The following GATA4 variants were observed in gnomAD, a reference collection of about 807,000 sequenced individuals.
GATA4 encodes GATA binding protein 4, also known as transcription factor GATA-4.
GATA4 carries 7 observed loss-of-function variants against 37.9 expected under a neutral mutation model. The observed-to-expected ratio is 0.18, with a 90% CI of 0.11 to 0.35. The LOEUF is 0.35. Ranked by LOEUF, GATA4 falls within the 10% of genes least tolerant of loss-of-function variation. The pLI, the probability that GATA4 is intolerant of heterozygous loss-of-function variation, is 1.00. For synonymous variants in GATA4, 372 were observed against 292.6 expected, an observed-to-expected ratio of 1.27 and a Z score of -2.77; for missense variants, 647 against 653.0, an observed-to-expected ratio of 0.99 and a Z score of 0.10.
chr8:11,720,592 C>T (rs1800628009), intron 2 of GATA4, among the ~76,000 whole-genome samples: 1 of 152,192 alleles, frequency 6.6e-6, no homozygotes, highest in African/African-American at 2.4e-5. Context: ...CTACTCGTCT[C>T]CCTCCTCCCA....
At chr8:11,727,392 A>AG (rs1168684262) in intron 2 of GATA4, among the ~76,000 whole-genome samples, 2 of 152,170 alleles carry the variant, frequency 1.3e-5, no homozygotes, top group East Asian at 3.8e-4. Context: ...TTCCTGGTGA[A>AG]GGGGGAGCCC....
At chr8:11,706,116 A>G (rs1799878821) in intron 1 of GATA4, 1 of 152,198 alleles carries the variant, frequency 6.6e-6, no homozygotes, top group Admixed American at 6.5e-5. Context: ...CTATTCTCTA[A>G]CCAAACTTGC....
rs765716905 is a variant in GATA4, at chr8:11,759,927, C to G, written c.*1452C>G. On this transcript the variant is annotated 3_prime_UTR_variant, in exon 7 of 7. Transcript: ENST00000532059. ...TCGTATACCCTCCCTAACCCACAAA[C>G]CTGTTAACATTGTCTTAAGGTGAAA... is the stretch of plus-strand genomic sequence containing the variant. The G allele has an allele frequency of 1.3e-5, 2 of 152,652 alleles. No homozygotes were observed. Among genetic ancestry groups the G allele is most frequent in the Admixed American group, 6.5e-5 (1 of 15,284 alleles). 9.5% of individuals were successfully genotyped at this position (152,652 alleles called of 1,614,324 possible).
chr8:11,687,805 C>T (rs1799187733), upstream of GATA4, among the ~76,000 whole-genome samples: 1 of 152,100 alleles, frequency 6.6e-6, no homozygotes, highest in Non-Finnish European at 1.5e-5. Flanking sequence ...ATCCCTTACT[C>T]ATCCAAAAAT....
chr8:11,705,300 C>G (rs985712083), intron 1 of GATA4, among the ~76,000 whole-genome samples: 2 of 152,180 alleles, frequency 1.3e-5, no homozygotes, highest in African/African-American at 4.8e-5. Flanking sequence ...AGGTGATGCT[C>G]CGCACACGTC....
chr8:11,693,346 C>A (rs531693946), intron 1 of GATA4, among the ~76,000 whole-genome samples: 1 of 152,028 alleles, frequency 6.6e-6, no homozygotes, highest in South Asian at 2.1e-4. Context: ...CGCCTGTGGT[C>A]CTGCTGGGGA....
chr8:11,694,884 CTT>C (rs1563191253), intron 1 of GATA4, among the ~76,000 whole-genome samples: 1 of 152,186 alleles, frequency 6.6e-6, no homozygotes, highest in Non-Finnish European at 1.5e-5. Flanking sequence ...ACACACCTCA[CTT>C]TTATTGAAGA....
At chr8:11,733,041 G>A (rs987574903) in intron 2 of GATA4, among the ~76,000 whole-genome samples, 8 of 152,066 alleles carry the variant, frequency 5.3e-5, no homozygotes, top group Admixed American at 2.6e-4. Context: ...GAAAGAAAGC[G>A]GCAATGTTTT....
In GATA4 at chr8:11,693,522, AACACACACAC is replaced by A. The variant is rs140439542; in HGVS notation, c.-729+894_-729+903del. The stretch of plus-strand genomic sequence containing the variant: ...AAAAAAAGAGGATTGATTCAGCACA[AACACACACAC>A]ACACACACACACACACACACACACA... On this transcript the variant is annotated intron_variant, in intron 1 of 2. Coordinates refer to the GATA4 transcript ENST00000526974. Among the ~76,000 whole-genome samples the A allele has an allele frequency of 8.5e-3, 932 of 109,982 alleles. 18 individuals are homozygous for A. The highest frequency in any genetic ancestry group is 0.028 in the African/African-American group (710 of 25,574). The allele number at this position is 109,982 out of a possible 152,430, so 72.2% of individuals were successfully genotyped here.
chr8:11,680,045 C>T lies in GATA4; in HGVS notation c.-274+2982C>T, dbSNP rs529892897. Among the ~76,000 whole-genome samples the T allele has an allele frequency of 1.4e-3, 213 of 152,324 alleles. 1 individual carries two copies. The highest frequency in any genetic ancestry group is 5.0e-3 in the African/African-American group (206 of 41,574). On this transcript the variant is annotated intron_variant, in intron 1 of 6. Coordinates refer to the GATA4 transcript ENST00000528712. ...AAGTCACATCGCCGGGGTCTCCTGC[C>T]AGGGGGCTTGGACCAGTTGCTAAAG...
In GATA4 at chr8:11,758,671, G is replaced by C. The variant is rs1802732670; in HGVS notation, c.*196G>C. ...ATTTTCTCAGATGCCTTTACACGCT[G>C]ATGGGACTGGAGGGAGCCCACCCTT... is the stretch of plus-strand genomic sequence containing the variant. On this transcript the variant is annotated 3_prime_UTR_variant, in exon 7 of 7. Transcript: ENST00000532059. 4.7e-6 allele frequency: 3 copies of C among 641,802 alleles called. No homozygotes were observed. The highest frequency in any genetic ancestry group is 8.4e-6 in the Non-Finnish European group (3 of 356,390). The allele number at this position is 641,802 out of a possible 1,614,324, so 39.8% of individuals were successfully genotyped here. A position where few individuals can be genotyped will look rare whatever the true frequency, so the allele number is the denominator to read the frequency against.
intron 2 of GATA4, among the ~76,000 whole-genome samples, chr8:11,723,211 G>C (rs1402153048): frequency 6.6e-6 from 1 of 151,930 alleles, no homozygotes; most frequent in Non-Finnish European, 1.5e-5. Flanking sequence ...AAATAAATTA[G>C]GCAGGGGTGG....
chr8:11,677,627 T>C (rs866503585), intron 1 of GATA4, among the ~76,000 whole-genome samples: 5 of 152,152 alleles, frequency 3.3e-5, no homozygotes, highest in Non-Finnish European at 7.3e-5. Context: ...CCACTTTGCT[T>C]TTGGGGTCAG....
At chr8:11,717,484 C>G (rs561127344) in intron 2 of GATA4, among the ~76,000 whole-genome samples, 1 of 152,166 alleles carries the variant, frequency 6.6e-6, no homozygotes, top group South Asian at 2.1e-4. Context: ...CAGAAAGAGC[C>G]TGTAATCTCA....
At chr8:11,751,440 G>A (rs115238688) in intron 4 of GATA4, among the ~76,000 whole-genome samples, 184 of 152,304 alleles carry the variant, frequency 1.2e-3, no homozygotes, top group African/African-American at 4.2e-3. Context: ...TACATGGGGT[G>A]CCTCCAGGAG....
chr8:11,738,205 T>C (rs1298999779), intron 2 of GATA4, among the ~76,000 whole-genome samples: 1 of 147,734 alleles, frequency 6.8e-6, no homozygotes, highest in South Asian at 2.2e-4. Flanking sequence ...AAAATCACTA[T>C]CACAAATAAG....
chr8:11,738,442 TATTTC>T (rs1476608118), intron 2 of GATA4, among the ~76,000 whole-genome samples: 2 of 152,218 alleles, frequency 1.3e-5, no homozygotes, highest in African/African-American at 4.8e-5. Context: ...TGCCTTCTAA[TATTTC>T]ATAGCATATA....
chr8:11,741,028 C>G (rs1276418397), intron 2 of GATA4, among the ~76,000 whole-genome samples: 7 of 152,166 alleles, frequency 4.6e-5, no homozygotes, highest in Admixed American at 3.3e-4. Context: ...GCCACCACAC[C>G]TGACCCTTTG....
In GATA4 at chr8:11,709,689, C is replaced by A. The variant is rs751576928; in HGVS notation, c.616+761C>A. On this transcript the variant is annotated intron_variant, in intron 2 of 6. Coordinates refer to ENST00000532059, the MANE Select transcript of GATA4 (RefSeq NM_001308093.3). The surrounding 1 kb of genome is among the most constrained non-coding windows in gnomAD (Gnocchi z 4.3). ...TTTGCAGTCGCTTGCACGCGTGGAG[C>A]CTCCTCTTCTCGCGTGGGCCAGGGT... is the stretch of plus-strand genomic sequence containing the variant. 7.9e-5 allele frequency among the ~76,000 whole-genome samples: 12 copies of A among 152,100 alleles called. 1 individual carries two copies. The highest frequency in any genetic ancestry group is 1.5e-4 in the Non-Finnish European group (10 of 68,028).
Sources: allele counts gnomAD v4.1 joint callset (sites outside exome capture counted in the v4.1 genomes callset), GRCh38; gene constraint gnomAD v4.1.1; non-coding constraint Gnocchi (gnomAD v3.1); transcripts MANE v1.5; gene names NCBI Gene and HGNC (gene_info 2026-07-23, HGNC 2026-07-21).